PLPPR1: variants seen among roughly 807,000 people sequenced by gnomAD.
The protein encoded by PLPPR1 is phospholipid phosphatase-related protein type 1.
Under a neutral mutation model 33.1 loss-of-function variants are expected in PLPPR1, and 10 were observed. The observed-to-expected ratio is 0.30, with a 90% CI of 0.19 to 0.51. The LOEUF is 0.51. Ranked by LOEUF, PLPPR1 falls within the 20% of genes least tolerant of loss-of-function variation. The pLI is 0.97. For missense variants in PLPPR1, 304 were observed against 408.1 expected (o/e 0.74, Z 2.20); for synonymous variants, 151 against 151.0 (o/e 1.00, Z 0.00).
intron 1 of PLPPR1, among the ~76,000 whole-genome samples, chr9:101,126,174 T>C (rs1164486643): frequency 6.6e-6 from 1 of 152,242 alleles, no homozygotes; most frequent in Non-Finnish European, 1.5e-5. Flanking sequence ...CAAAGCCTCC[T>C]GTTCTTTTCA....
intron 1 of PLPPR1, among the ~76,000 whole-genome samples, chr9:101,130,863 ATG>A (rs972357690): frequency 3.3e-5 from 5 of 152,152 alleles, no homozygotes; most frequent in African/African-American, 9.7e-5. Context: ...TTGAAAAAGT[ATG>A]TGTTTTGGTT....
intron 1 of PLPPR1, among the ~76,000 whole-genome samples, chr9:101,054,456 A>G (rs1830259680): frequency 1.3e-5 from 2 of 152,196 alleles, no homozygotes; most frequent in Non-Finnish European, 2.9e-5. Context: ...TTTCTGAAGC[A>G]TATTGATGAC....
At chr9:101,209,095 A>C (rs558565233) in intron 2 of PLPPR1, among the ~76,000 whole-genome samples, 2 of 152,358 alleles carry the variant, frequency 1.3e-5, no homozygotes, top group South Asian at 2.1e-4. Flanking sequence ...ACTTTTTAGA[A>C]AAGCAAATTC....
intron 1 of PLPPR1, among the ~76,000 whole-genome samples, chr9:101,155,984 G>A (rs1016383786): frequency 6.6e-6 from 1 of 152,168 alleles, no homozygotes; most frequent in African/African-American, 2.4e-5. Flanking sequence ...TGTCTTTAAG[G>A]AGTCAGCCAA....
At chr9:101,307,109 C>T (rs974396482) in intron 4 of PLPPR1, among the ~76,000 whole-genome samples, 1 of 152,178 alleles carries the variant, frequency 6.6e-6, no homozygotes, top group Non-Finnish European at 1.5e-5. Context: ...GCGGATGCTC[C>T]TGAAGCCAGC....
chr9:101,168,531 T>G (rs1206401781), intron 1 of PLPPR1, among the ~76,000 whole-genome samples: 4 of 152,182 alleles, frequency 2.6e-5, no homozygotes, highest in Non-Finnish European at 4.4e-5. Flanking sequence ...ATTCTCATTC[T>G]CTATGTTATT....
At chr9:101,164,378 T>C (rs563214595) in intron 1 of PLPPR1, among the ~76,000 whole-genome samples, 5 of 151,070 alleles carry the variant, frequency 3.3e-5, no homozygotes, top group Admixed American at 6.6e-5. Flanking sequence ...TTTTTTTTTT[T>C]CTGAGACAGT....
rs1330958739 is a variant in PLPPR1, at chr9:101,312,900, G to A, written c.739G>A (p.Val247Ile). 3.1e-6 allele frequency: 5 copies of A among 1,614,050 alleles called. No individual in the cohort carries two copies. The highest frequency in any genetic ancestry group is 1.6e-4 in the Middle Eastern group (1 of 6,084). The stretch of plus-strand genomic sequence containing the variant: ...AGCCTTCCTGACAGGCCTCAACCGG[G>A]TCTCTGAGTATCGGAACCACTGCTC... ...CTAFLTGLNR[V>I]SEYRNHCSDV... is the part of the protein sequence containing the mutation. Residue 247 changes from valine to isoleucine, a missense_variant, in exon 6 of 8, where the codon GTC (valine) becomes ATC (isoleucine). Physicochemically the swap from Val to Ile is conservative, Grantham distance 29. Transcript: ENST00000374874.
At chr9:101,147,793 C>G (rs545218787) in intron 1 of PLPPR1, among the ~76,000 whole-genome samples, 1 of 152,146 alleles carries the variant, frequency 6.6e-6, no homozygotes, top group Admixed American at 6.5e-5. Flanking sequence ...TCCGAAGAAC[C>G]CTGTGGGATA....
chr9:101,258,643 T>G (rs1247529364), intron 2 of PLPPR1, among the ~76,000 whole-genome samples: 2 of 152,190 alleles, frequency 1.3e-5, no homozygotes, highest in African/African-American at 2.4e-5. Flanking sequence ...TGACCTTCTA[T>G]TCACAGAATT....
At chr9:101,277,970 G>A (rs937859845) in intron 3 of PLPPR1, among the ~76,000 whole-genome samples, 1 of 152,002 alleles carries the variant, frequency 6.6e-6, no homozygotes, top group African/African-American at 2.4e-5. Flanking sequence ...GTTTCCATTA[G>A]TTACCCAAAA....
At chr9:101,155,347 G>A (rs1288181498) in intron 1 of PLPPR1, among the ~76,000 whole-genome samples, 1 of 152,182 alleles carries the variant, frequency 6.6e-6, no homozygotes. Flanking sequence ...AGTTACAGAG[G>A]TTGGGAAGTC....
intron 2 of PLPPR1, among the ~76,000 whole-genome samples, chr9:101,264,454 C>T (rs539873251): frequency 6.6e-6 from 1 of 152,258 alleles, no homozygotes; most frequent in African/African-American, 2.4e-5. Flanking sequence ...ATCAAGTCCC[C>T]TCCCAACCAG....
At chr9:101,290,570 T>G (rs938289724) in intron 4 of PLPPR1, among the ~76,000 whole-genome samples, 2 of 152,208 alleles carry the variant, frequency 1.3e-5, no homozygotes, top group East Asian at 3.9e-4. Context: ...AATGGTCTTT[T>G]TTTAACCCCA....
intron 1 of PLPPR1, among the ~76,000 whole-genome samples, chr9:101,107,969 C>A (rs578110251): frequency 6.7e-6 from 1 of 150,322 alleles, no homozygotes; most frequent in East Asian, 2.0e-4. Context: ...TGACCCCTTG[C>A]GCTTCCCAGG....
chr9:101,286,534 G>T (rs190430351), intron 4 of PLPPR1, among the ~76,000 whole-genome samples: 28 of 152,248 alleles, frequency 1.8e-4, no homozygotes, highest in Admixed American at 1.6e-3. Context: ...TCAGGCAAGG[G>T]GTTGGGGTGG....
At chr9:101,141,863 C>T (rs1419085952) in intron 1 of PLPPR1, among the ~76,000 whole-genome samples, 1 of 152,106 alleles carries the variant, frequency 6.6e-6, no homozygotes, top group Non-Finnish European at 1.5e-5. Flanking sequence ...TGATTCCCCA[C>T]CCCAGATCAA....
intron 1 of PLPPR1, among the ~76,000 whole-genome samples, chr9:101,161,604 G>A (rs1831773670): frequency 6.6e-6 from 1 of 152,050 alleles, no homozygotes; most frequent in African/African-American, 2.4e-5. Context: ...GATTATTATG[G>A]GGGTTCATTA....
intron 2 of PLPPR1, among the ~76,000 whole-genome samples, chr9:101,193,815 T>G (rs895245486): frequency 6.6e-6 from 1 of 152,222 alleles, no homozygotes; most frequent in African/African-American, 2.4e-5. Context: ...ACACTTGAGA[T>G]TTAAATGTAA....
Sources: allele counts gnomAD v4.1 joint callset (sites outside exome capture counted in the v4.1 genomes callset), GRCh38; gene constraint gnomAD v4.1.1; transcripts MANE v1.5; gene names NCBI Gene and HGNC (gene_info 2026-07-23, HGNC 2026-07-21).